The following SLC16A2 variants were observed in gnomAD, a reference collection of about 807,000 sequenced individuals.
The protein encoded by SLC16A2 is solute carrier family 16 member 2, also known as monocarboxylate transporter 8.
Under a neutral mutation model 27.2 loss-of-function variants are expected in SLC16A2, and 3 were observed. The ratio of observed to expected loss-of-function variants is 0.11; its 90% CI spans 0.05 to 0.28. The LOEUF is 0.28. Ranked by LOEUF, SLC16A2 falls within the 10% of genes least tolerant of loss-of-function variation. SLC16A2 has a pLI of 1.00. For synonymous variants in SLC16A2, 202 were observed against 187.8 expected, an observed-to-expected ratio of 1.08 and a Z score of -0.62; for missense variants, 295 against 458.5, an observed-to-expected ratio of 0.64 and a Z score of 3.26.
intron 1 of SLC16A2, among the ~76,000 whole-genome samples, chrX:74,494,318 G>A (rs140293410): frequency 0.051 from 5,733 of 111,612 alleles, 153 homozygotes; most frequent in African/African-American, 0.11. Flanking sequence ...GAAGGGCGTA[G>A]TGACCCCTCC....
intron 1 of SLC16A2, among the ~76,000 whole-genome samples, chrX:74,427,506 A>G (rs1329110569): frequency 8.9e-6 from 1 of 111,842 alleles, no homozygotes; most frequent in Non-Finnish European, 1.9e-5. Context: ...CAGCCCATGA[A>G]GAGTAAACAA....
intron 4 of SLC16A2, among the ~76,000 whole-genome samples, 157 bp from the exon 5 acceptor site, chrX:74,529,056 C>A (rs770911360): frequency 1.8e-5 from 2 of 111,928 alleles, no homozygotes; most frequent in East Asian, 5.6e-4. Context: ...TTTGAAAGGG[C>A]CTAACCATTC....
chrX:74,445,140 G>A (rs1040687366), intron 1 of SLC16A2, among the ~76,000 whole-genome samples: 4 of 111,879 alleles, frequency 3.6e-5, no homozygotes, highest in Non-Finnish European at 7.5e-5. Flanking sequence ...GAAGTAAAGG[G>A]CACATAAATA....
intron 4 of SLC16A2, among the ~76,000 whole-genome samples, 195 bp from the exon 5 acceptor site, chrX:74,529,018 T>C (rs1930525917): frequency 8.9e-6 from 1 of 112,293 alleles, no homozygotes; most frequent in Non-Finnish European, 1.9e-5. Flanking sequence ...AGGGGCTTTC[T>C]TGGACTTTGA....
At chrX:74,441,120 C>T (rs890169088) in intron 1 of SLC16A2, among the ~76,000 whole-genome samples, 5 of 109,443 alleles carry the variant, frequency 4.6e-5, no homozygotes, top group African/African-American at 1.0e-4. Flanking sequence ...TGCAGTGACA[C>T]GATCTCGGCT....
At chrX:74,513,916 C>A (rs1307072271) in intron 1 of SLC16A2, among the ~76,000 whole-genome samples, 4 of 111,849 alleles carry the variant, frequency 3.6e-5, no homozygotes, top group Non-Finnish European at 7.5e-5. Context: ...ATCTTGAATG[C>A]CTATGGGATA....
intron 2 of SLC16A2, 44 bp from the exon 3 acceptor site, chrX:74,524,315 G>A: frequency 8.5e-7 from 1 of 1,182,837 alleles, no homozygotes; most frequent in Non-Finnish European, 1.1e-6. Context: ...CAGGTAGATT[G>A]CTGGTCAGGC....
chrX:74,531,737 A>G lies in SLC16A2; in HGVS notation c.*184A>G. On this transcript the variant is annotated 3_prime_UTR_variant, in exon 6 of 6. Coordinates refer to ENST00000587091, the MANE Select transcript of SLC16A2 (RefSeq NM_006517.5). ...CAAACTCATTAACTAAATTCTCCCC[A>G]GAATGCTTTTAAATTTTCCAGGGCC... 1 of 485,526 alleles carries G rather than the reference A, an allele frequency of 2.1e-6. No individual in the cohort carries two copies. Among genetic ancestry groups the G allele is most frequent in the South Asian group, 2.9e-5 (1 of 34,759 alleles). The allele number at this position is 485,526 out of a possible 1,213,427, so 40.0% of individuals were successfully genotyped here. A position where few individuals can be genotyped will look rare whatever the true frequency, so the allele number is the denominator to read the frequency against.
intron 4 of SLC16A2, among the ~76,000 whole-genome samples, chrX:74,528,228 T>C (rs1855149718): frequency 3.6e-5 from 4 of 111,521 alleles, no homozygotes; most frequent in Admixed American, 2.9e-4. Flanking sequence ...GACCTGGCTC[T>C]GACCTGGCTC....
intron 1 of SLC16A2, among the ~76,000 whole-genome samples, chrX:74,499,349 C>T (rs1353513833): frequency 9.0e-6 from 1 of 110,805 alleles, no homozygotes. Context: ...CCCAGCCCCA[C>T]AGAATTCAGT....
At chrX:74,440,839 C>T (rs1928731645) in intron 1 of SLC16A2, among the ~76,000 whole-genome samples, 1 of 110,206 alleles carries the variant, frequency 9.1e-6, no homozygotes, top group South Asian at 3.9e-4. Flanking sequence ...CATGCATGAG[C>T]ATGGATAGGG....
intron 1 of SLC16A2, among the ~76,000 whole-genome samples, chrX:74,439,166 T>G (rs1347966314): frequency 1.1e-5 from 1 of 87,679 alleles, no homozygotes; most frequent in Non-Finnish European, 2.1e-5. Context: ...AACTCTTTCT[T>G]TCTTTCTTTC....
At chrX:74,527,809 G>T (rs1005356925) in intron 4 of SLC16A2, among the ~76,000 whole-genome samples, 1 of 112,384 alleles carries the variant, frequency 8.9e-6, no homozygotes, top group East Asian at 2.8e-4. Context: ...AGGGTCCTTT[G>T]TGTTATATAA....
chrX:74,436,233 G>A (rs931301158), intron 1 of SLC16A2, among the ~76,000 whole-genome samples: 9 of 111,782 alleles, frequency 8.1e-5, no homozygotes, highest in African/African-American at 2.9e-4. Context: ...GCGTGCAAGT[G>A]AGCAAGAATT....
At chrX:74,507,637 G>T (rs1246730384) in intron 1 of SLC16A2, among the ~76,000 whole-genome samples, 5 of 112,070 alleles carry the variant, frequency 4.5e-5, no homozygotes, top group Admixed American at 9.5e-5. Flanking sequence ...CAAAGTCATG[G>T]AATCAACCTA....
chrX:74,459,427 C>T lies in SLC16A2; in HGVS notation c.430+37360C>T, dbSNP rs182011826. 5.4e-3 allele frequency among the ~76,000 whole-genome samples: 562 copies of T among 104,926 alleles called. 3 individuals carry two copies. Among genetic ancestry groups the T allele is most frequent in the African/African-American group, 0.018 (512 of 28,430 alleles). 91.1% of individuals were successfully genotyped at this position (104,926 alleles called of 115,157 possible). A position where few individuals can be genotyped will look rare whatever the true frequency, so the allele number is the denominator to read the frequency against. On this transcript the variant is annotated intron_variant, in intron 1 of 5. Coordinates refer to ENST00000587091, the MANE Select transcript of SLC16A2 (RefSeq NM_006517.5). ...CATCTTGCAGGGAGAGACTGTACCC[C>T]AGCCAGTCCCTGGAGTTTTGGAAGA...
intron 1 of SLC16A2, chrX:74,473,582 C>G: frequency 1.2e-6 from 1 of 809,752 alleles, no homozygotes. Context: ...AAAATAATCT[C>G]TTAGTTGATG....
At chrX:74,440,447 TAG>T (rs1391258212) in intron 1 of SLC16A2, among the ~76,000 whole-genome samples, 1 of 108,211 alleles carries the variant, frequency 9.2e-6, no homozygotes, top group African/African-American at 3.4e-5. Flanking sequence ...GTTTGGGCAG[TAG>T]AGAGTAGGGC....
intron 4 of SLC16A2, 97 bp downstream of exon 4, chrX:74,525,990 G>A (rs750885598): frequency 7.7e-5 from 75 of 980,099 alleles, no homozygotes; most frequent in Middle Eastern, 3.6e-4. Context: ...TTGTTGTGTC[G>A]CATGGGAAAG....
Sources: allele counts gnomAD v4.1 joint callset (sites outside exome capture counted in the v4.1 genomes callset), GRCh38; gene constraint gnomAD v4.1.1; transcripts MANE v1.5; gene names NCBI Gene and HGNC (gene_info 2026-07-23, HGNC 2026-07-21).